GREB1L: variants seen among roughly 807,000 people sequenced by gnomAD.
GREB1L encodes the protein GREB1-like protein.
Under a neutral mutation model 200.8 loss-of-function variants are expected in GREB1L, and 17 were observed. The ratio of observed to expected loss-of-function variants is 0.08; its 90% CI spans 0.06 to 0.13. The LOEUF (loss-of-function observed/expected upper bound fraction) is 0.13, where lower values mean the gene tolerates loss of function less well. Among genes scored for constraint, GREB1L ranks in the 10% least tolerant of loss-of-function variants. GREB1L has a pLI of 1.00. For synonymous variants in GREB1L, 789 were observed against 893.0 expected (o/e 0.88, Z 2.08); for missense variants, 1,657 against 2,367.7 (o/e 0.70, Z 6.23).
Position 21,459,685 on chromosome 18 carries a change from A to C in GREB1L, c.2182+5122A>C, listed in dbSNP as rs1272213663. Among the ~76,000 whole-genome samples, 3 of 152,144 alleles carry C rather than the reference A, an allele frequency of 2.0e-5. No individual in the cohort carries two copies. In the East Asian group the frequency reaches 5.8e-4, roughly 29 times the overall value. On this transcript the variant is annotated intron_variant, in intron 15 of 32. Transcript: ENST00000424526. ...AAAAAATTTTAATAAAAAAATAAAG[A>C]CATATTTTTTTGGTCTCACCAACCT...
intron 1 of GREB1L, among the ~76,000 whole-genome samples, chr18:21,351,790 G>T (rs1289174184): frequency 1.3e-5 from 2 of 152,070 alleles, no homozygotes; most frequent in Non-Finnish European, 2.9e-5. Context: ...TTCCTGTATG[G>T]TCATGGAAAG....
chr18:21,511,469 A>G (rs1040364369), intron 27 of GREB1L, among the ~76,000 whole-genome samples: 1 of 152,118 alleles, frequency 6.6e-6, no homozygotes, highest in Non-Finnish European at 1.5e-5. Flanking sequence ...TTGATATCAT[A>G]TGTAAGAGAT....
chr18:21,490,947 G>T (rs555270216), intron 19 of GREB1L, among the ~76,000 whole-genome samples: 10 of 152,128 alleles, frequency 6.6e-5, no homozygotes, highest in Non-Finnish European at 1.5e-4. Flanking sequence ...CCCTACAGAA[G>T]AATTTAGTGC....
At chr18:21,489,176 C>A (rs1459170380) in intron 18 of GREB1L, among the ~76,000 whole-genome samples, 4 of 152,120 alleles carry the variant, frequency 2.6e-5, no homozygotes, top group African/African-American at 7.2e-5. Flanking sequence ...GTAAAAACTG[C>A]CGATTTTAAC....
chr18:21,481,406 G>A (rs1453533419), intron 17 of GREB1L, among the ~76,000 whole-genome samples: 1 of 148,766 alleles, frequency 6.7e-6, no homozygotes, highest in Non-Finnish European at 1.5e-5. Context: ...TATTATACAG[G>A]CATTAAGGAT....
chr18:21,304,222 ATATTATTAT>A (rs35203034), intron 1 of GREB1L, among the ~76,000 whole-genome samples: 8 of 148,726 alleles, frequency 5.4e-5, no homozygotes, highest in Non-Finnish European at 1.2e-4. Context: ...AGTTAAGCCC[ATATTATTAT>A]TATTATTATT....
intron 1 of GREB1L, among the ~76,000 whole-genome samples, chr18:21,278,767 T>TA (rs2038218522): frequency 6.6e-6 from 1 of 152,164 alleles, no homozygotes; most frequent in Non-Finnish European, 1.5e-5. Context: ...AAGGAAAAGA[T>TA]ATGTATGCCA....
chr18:21,356,243 A>G (rs150433135), intron 1 of GREB1L, among the ~76,000 whole-genome samples: 48 of 151,788 alleles, frequency 3.2e-4, no homozygotes, highest in Middle Eastern at 3.4e-3. Context: ...TCAGCCTCCC[A>G]AAGTGCAGGG....
chr18:21,302,224 A>T (rs1175074739), intron 1 of GREB1L, among the ~76,000 whole-genome samples: 1 of 152,232 alleles, frequency 6.6e-6, no homozygotes, highest in African/African-American at 2.4e-5. Flanking sequence ...TCAAAGAAAG[A>T]CACCTTGTTA....
At chr18:21,291,881 A>AAGAATTCTTT (rs941563404) in intron 1 of GREB1L, among the ~76,000 whole-genome samples, 1 of 152,210 alleles carries the variant, frequency 6.6e-6, no homozygotes, top group Admixed American at 6.5e-5. Context: ...GAATAACAAA[A>AAGAATTCTTT]ACCACTGTAA....
intron 1 of GREB1L, among the ~76,000 whole-genome samples, chr18:21,278,395 AAT>A (rs1455770908): frequency 3.9e-5 from 5 of 129,362 alleles, no homozygotes; most frequent in Admixed American, 7.6e-5. Context: ...AAAAAAAATA[AAT>A]AAATAAATAA....
chr18:21,390,537 T>G (rs1034093541), intron 4 of GREB1L, among the ~76,000 whole-genome samples: 11 of 152,170 alleles, frequency 7.2e-5, no homozygotes, highest in Non-Finnish European at 1.6e-4. Flanking sequence ...TGTTTGTTTT[T>G]GTTTTTGTTT....
At chr18:21,340,754 C>T (rs1260436727) in intron 1 of GREB1L, among the ~76,000 whole-genome samples, 1 of 151,828 alleles carries the variant, frequency 6.6e-6, no homozygotes, top group Non-Finnish European at 1.5e-5. Context: ...CGTGTTGGCC[C>T]AGCTGGTCTT....
intron 1 of GREB1L, among the ~76,000 whole-genome samples, chr18:21,322,000 T>C (rs2038958643): frequency 6.6e-6 from 1 of 152,188 alleles, no homozygotes; most frequent in African/African-American, 2.4e-5. Context: ...TTTATCATCA[T>C]TGTGGGCTAT....
intron 1 of GREB1L, among the ~76,000 whole-genome samples, chr18:21,342,602 T>C (rs2039285357): frequency 6.6e-6 from 1 of 152,184 alleles, no homozygotes; most frequent in African/African-American, 2.4e-5. Context: ...CGCTCACTGC[T>C]TCCTTTGGTC....
chr18:21,371,198 C>A (rs2039858912), intron 2 of GREB1L, among the ~76,000 whole-genome samples: 1 of 152,112 alleles, frequency 6.6e-6, no homozygotes, highest in Non-Finnish European at 1.5e-5. Context: ...CCATATTGGA[C>A]AGTCCAGAAT....
Position 21,516,724 on chromosome 18 carries a change from A to C in GREB1L, c.5241A>C (p.Gln1747His), listed in dbSNP as rs1232744737. 1 of 1,551,492 alleles carries C rather than the reference A, an allele frequency of 6.4e-7. No individual in the cohort carries two copies. The highest frequency in any genetic ancestry group is 1.2e-5 in the South Asian group (1 of 84,064). Residue 1747 changes from glutamine to histidine, a missense_variant, in exon 30 of 33, where the codon CAA becomes CAC. Around this residue, in one of 9 missense-constraint regions of GREB1L, gnomAD observed 190 missense variants for 230.2 expected, o/e 0.83. Coordinates refer to ENST00000424526, the MANE Select transcript of GREB1L (RefSeq NM_001142966.3). Reference sequence around the variant, plus strand: ...AGAAACATGTTCAGGTTGGAGGGCAAAGGGACTTTATCATTAAACCAAAGA... The same window carrying C: ...AGAAACATGTTCAGGTTGGAGGGCACAGGGACTTTATCATTAAACCAAAGA... ...LMKKHVQVGG[Q>H]RDFIIKPKIM...
intron 24 of GREB1L, 50 bp downstream of exon 24, chr18:21,505,617 A>G: frequency 6.5e-7 from 1 of 1,533,232 alleles, no homozygotes; most frequent in Non-Finnish European, 8.8e-7. Flanking sequence ...AGGGGACACT[A>G]GCTCAGGGTG....
intron 23 of GREB1L, among the ~76,000 whole-genome samples, chr18:21,501,294 G>A (rs969837628): frequency 6.6e-6 from 1 of 151,164 alleles, no homozygotes; most frequent in African/African-American, 2.4e-5. Flanking sequence ...TGCTGAATGT[G>A]CAGGTTTGTT....
Sources: allele counts gnomAD v4.1 joint callset (sites outside exome capture counted in the v4.1 genomes callset), GRCh38; gene constraint gnomAD v4.1.1; regional missense constraint gnomAD v4.1.1; transcripts MANE v1.5; gene names NCBI Gene and HGNC (gene_info 2026-07-23, HGNC 2026-07-21).